ANKRD28: variants seen among roughly 807,000 people sequenced by gnomAD.
The protein encoded by ANKRD28 is ankyrin repeat domain 28.
A neutral mutation model predicts 126.5 loss-of-function variants in ANKRD28; 44 were observed. That is an observed-to-expected ratio of 0.35 (90% CI 0.27 to 0.45). The LOEUF is 0.45. Ranked by LOEUF, ANKRD28 falls within the 20% of genes least tolerant of loss-of-function variation. The pLI is 1.00. For synonymous variants in ANKRD28, 442 were observed against 468.5 expected (o/e 0.94, Z 0.73); for missense variants, 1,110 against 1,316.6 (o/e 0.84, Z 2.43).
intron 4 of ANKRD28, among the ~76,000 whole-genome samples, chr3:15,743,885 T>A (rs1411254363): frequency 6.6e-6 from 1 of 152,212 alleles, no homozygotes; most frequent in Non-Finnish European, 1.5e-5. Context: ...AGTTAAGTTC[T>A]CTTCTATGCA....
chr3:15,840,692 A>G (rs906516092), intron 1 of ANKRD28, among the ~76,000 whole-genome samples: 7 of 152,240 alleles, frequency 4.6e-5, no homozygotes, highest in Admixed American at 2.6e-4. Flanking sequence ...ATAAAAAGAC[A>G]CATAGATCAG....
At chr3:15,805,445 A>C (rs1341627308) in intron 1 of ANKRD28, among the ~76,000 whole-genome samples, 1 of 152,140 alleles carries the variant, frequency 6.6e-6, no homozygotes, top group African/African-American at 2.4e-5. Context: ...CTGATTAGTA[A>C]AATTTTTAGC....
At chr3:15,703,932 G>A (rs2070986158) in intron 14 of ANKRD28, among the ~76,000 whole-genome samples, 1 of 152,102 alleles carries the variant, frequency 6.6e-6, no homozygotes, top group South Asian at 2.1e-4. Context: ...TACACACAGA[G>A]CAATATAACT....
intron 3 of ANKRD28, among the ~76,000 whole-genome samples, chr3:15,765,429 T>G (rs1238594723): frequency 6.6e-6 from 1 of 152,148 alleles, no homozygotes; most frequent in Non-Finnish European, 1.5e-5. Flanking sequence ...ACTATCAGAC[T>G]ATTTCTTACT....
chr3:15,676,403 C>A (rs1408747575), intron 26 of ANKRD28, among the ~76,000 whole-genome samples: 2 of 152,190 alleles, frequency 1.3e-5, no homozygotes, highest in Non-Finnish European at 2.9e-5. Flanking sequence ...AAACAGCTTA[C>A]AAGCATCATG....
chr3:15,801,775 A>C (rs2060470270), upstream of ANKRD28, among the ~76,000 whole-genome samples: 1 of 152,198 alleles, frequency 6.6e-6, no homozygotes, highest in South Asian at 2.1e-4. The surrounding 1 kb of genome is among the most constrained non-coding windows in gnomAD (Gnocchi z 4.9). Context: ...AGGTATTCAA[A>C]ACACAACTCA....
intron 2 of ANKRD28, among the ~76,000 whole-genome samples, chr3:15,788,086 T>C (rs1366535127): frequency 6.6e-6 from 1 of 152,156 alleles, no homozygotes; most frequent in East Asian, 1.9e-4. Flanking sequence ...GTTTAAACAC[T>C]AAAAACAGTT....
At chr3:15,678,097 T>TACCTGCAAACAGGTAA (rs2067141651) in intron 24 of ANKRD28, 112 bp downstream of exon 24, 1 of 1,097,188 alleles carries the variant, frequency 9.1e-7, no homozygotes, top group Admixed American at 3.0e-5. Context: ...TAAAAGGTTT[T>TACCTGCAAACAGGTAA]AAGTCTTAGG....
Position 15,670,219 on chromosome 3 carries a change from A to C in ANKRD28, c.*51T>G. 6.4e-7 allele frequency: 1 copy of C among 1,571,786 alleles called. No homozygotes were observed. Among genetic ancestry groups the C allele is most frequent in the Middle Eastern group, 1.7e-4 (1 of 5,848 alleles). ...TGAATATCAAAGTGCCTTTTTCCTG[A>C]AAAAGCACAGTTTGAAGCTTTACTG... On this transcript the variant is annotated 3_prime_UTR_variant, in exon 28 of 28. Coordinates refer to ENST00000683139, the MANE Select transcript of ANKRD28 (RefSeq NM_001349278.2).
Position 15,820,388 on chromosome 3 carries a change from C to CA in ANKRD28, c.28-25083dup, listed in dbSNP as rs944272148. Among the ~76,000 whole-genome samples, 31 of 151,380 alleles carry CA rather than the reference C, an allele frequency of 2.0e-4. No homozygotes were observed. In the East Asian group the frequency reaches 3.3e-3, roughly 16 times the overall value. On this transcript the variant is annotated intron_variant, in intron 1 of 27. Transcript: ENST00000399451. ...AAAATCTTTAAAGCTACTGATTTAC[C>CA]AAAAAAAAGAGGAATATGTTAAACA...
In ANKRD28 at chr3:15,815,811, A is replaced by G. The variant is rs1253587691; in HGVS notation, c.28-20505T>C. Among the ~76,000 whole-genome samples, 5 of 152,202 alleles carry G rather than the reference A, an allele frequency of 3.3e-5. No individual in the cohort carries two copies. The highest frequency in any genetic ancestry group is 3.3e-4 in the Admixed American group (5 of 15,284). Reference sequence around the variant, plus strand: ...AATTATTTATGAACAAATCAACCTCATCAGAAAATATTAAAGGTACATTAT... The same window carrying G: ...AATTATTTATGAACAAATCAACCTCGTCAGAAAATATTAAAGGTACATTAT... On this transcript the variant is annotated intron_variant, in intron 1 of 27. Transcript: ENST00000399451. This position sits in a 1 kb window ranked among gnomAD's most constrained non-coding sequence, Gnocchi z 4.1.
intron 4 of ANKRD28, among the ~76,000 whole-genome samples, chr3:15,741,165 C>T (rs1237554344): frequency 6.6e-6 from 1 of 151,894 alleles, no homozygotes; most frequent in Admixed American, 6.6e-5. Flanking sequence ...CGCCATTGCA[C>T]TCCAGCTTGG....
chr3:15,720,462 TTAAC>T (rs1403109506), intron 8 of ANKRD28, among the ~76,000 whole-genome samples: 1 of 152,210 alleles, frequency 6.6e-6, no homozygotes. Flanking sequence ...AAACACAACA[TTAAC>T]TAGGGTTAAA....
chr3:15,737,579 C>A (rs2075114105), intron 4 of ANKRD28, among the ~76,000 whole-genome samples: 1 of 14,820 alleles, frequency 6.7e-5, no homozygotes, highest in South Asian at 2.1e-3. Context: ...ATCCTCCCAC[C>A]TTTGCTTCCT....
At chr3:15,708,250 A>T (rs1246994641) in intron 13 of ANKRD28, among the ~76,000 whole-genome samples, 186 bp from the exon 14 acceptor site, 1 of 152,222 alleles carries the variant, frequency 6.6e-6, no homozygotes, top group Non-Finnish European at 1.5e-5. Context: ...GTGGCAGAGA[A>T]CCTTTAAGTA....
At chr3:15,754,041 C>T (rs9844343) in intron 3 of ANKRD28, among the ~76,000 whole-genome samples, 6,239 of 152,178 alleles carry the variant, frequency 0.041, 417 homozygotes, top group African/African-American at 0.14. Flanking sequence ...ATGACTAGTA[C>T]GCTTTACTTT....
At chr3:15,726,394 G>A (rs1263226373) in intron 6 of ANKRD28, among the ~76,000 whole-genome samples, 1 of 152,182 alleles carries the variant, frequency 6.6e-6, no homozygotes, top group Non-Finnish European at 1.5e-5. Flanking sequence ...AAGATAAGTG[G>A]CCTTACTGAT....
rs200636700 is a variant in ANKRD28, at chr3:15,781,026, C to CT, written c.201+14196dup. ...TGGGCAATATTTTTTTGGATATGAC[C>CT]TGAAAGCACAAGCAACAAAAACAAA... On this transcript the variant is annotated intron_variant, in intron 2 of 27. Coordinates refer to ENST00000683139, the MANE Select transcript of ANKRD28 (RefSeq NM_001349278.2). 7.6e-3 allele frequency among the ~76,000 whole-genome samples: 1,152 copies of CT among 151,216 alleles called. 9 individuals are homozygous for CT. Among genetic ancestry groups the CT allele is most frequent in the Admixed American group, 0.017 (253 of 15,156 alleles).
intron 1 of ANKRD28, among the ~76,000 whole-genome samples, chr3:15,850,190 TAAAAAAA>T (rs1238069051): frequency 3.1e-5 from 1 of 31,960 alleles, no homozygotes; most frequent in Admixed American, 5.3e-4. Flanking sequence ...CTACATGCAA[TAAAAAAA>T]AAAAAAAATA....
Sources: allele counts gnomAD v4.1 joint callset (sites outside exome capture counted in the v4.1 genomes callset), GRCh38; gene constraint gnomAD v4.1.1; non-coding constraint Gnocchi (gnomAD v3.1); transcripts MANE v1.5; gene names NCBI Gene and HGNC (gene_info 2026-07-23, HGNC 2026-07-21).